The following USP25 variants were observed in gnomAD, a reference collection of about 807,000 sequenced individuals.
USP25 encodes ubiquitin carboxyl-terminal hydrolase 25.
A neutral mutation model predicts 158.5 loss-of-function variants in USP25; 85 were observed. That is an observed-to-expected ratio of 0.54 (90% confidence interval 0.45 to 0.64). USP25 has a LOEUF of 0.64. USP25 is among the 30% of genes least tolerant of loss of function. The probability of loss-of-function intolerance (pLI) is 0.00; values close to 1 mark genes in which losing one functional copy is unlikely to be tolerated. For synonymous variants in USP25, 464 were observed against 460.4 expected, an observed-to-expected ratio of 1.01 and a Z score of -0.10; for missense variants, 1,242 against 1,327.3, an observed-to-expected ratio of 0.94 and a Z score of 1.00.
Position 15,847,792 on chromosome 21 carries a change from C to A in USP25, c.2451+16C>A. On this transcript the variant is annotated intron_variant, in intron 19 of 25. Transcript: ENST00000400183. ...TGATGACGAGGTACCTTTTACAGCC[C>A]TCTGCACCATTGCTACTTAACTTTT... 6.7e-7 allele frequency: 1 copy of A among 1,486,110 alleles called. No homozygotes were observed. Among genetic ancestry groups the A allele is most frequent in the Non-Finnish European group, 9.2e-7 (1 of 1,089,204 alleles). 92.1% of individuals were successfully genotyped at this position (1,486,110 alleles called of 1,614,324 possible).
intron 20 of USP25, among the ~76,000 whole-genome samples, chr21:15,854,517 A>G (rs1013233899): frequency 3.3e-5 from 5 of 151,990 alleles, no homozygotes; most frequent in Non-Finnish European, 1.5e-5. Flanking sequence ...TCTATTTTAC[A>G]TTAGCTTTTT....
At chr21:15,832,826 G>A (rs186724538) in intron 16 of USP25, among the ~76,000 whole-genome samples, 17 of 152,164 alleles carry the variant, frequency 1.1e-4, no homozygotes, top group Admixed American at 5.2e-4. Flanking sequence ...AGACCATCCT[G>A]GCTAACACAG....
intron 20 of USP25, among the ~76,000 whole-genome samples, chr21:15,860,193 C>G (rs936433156): frequency 2.0e-5 from 3 of 151,970 alleles, no homozygotes; most frequent in South Asian, 4.2e-4. Context: ...CACACTGTTT[C>G]CCAGGCTGGA....
At chr21:15,844,840 G>A (rs1005477012) in intron 18 of USP25, among the ~76,000 whole-genome samples, 1 of 152,000 alleles carries the variant, frequency 6.6e-6, no homozygotes, top group Non-Finnish European at 1.5e-5. Context: ...AAAATTTTGT[G>A]TTGCCTTCTT....
At chr21:15,765,377 C>T (rs1023794293) in intron 2 of USP25, among the ~76,000 whole-genome samples, 1 of 152,070 alleles carries the variant, frequency 6.6e-6, no homozygotes, top group African/African-American at 2.4e-5. Context: ...TAATTTTATT[C>T]AGCTATACTT....
intron 1 of USP25, among the ~76,000 whole-genome samples, chr21:15,741,483 A>C (rs944986716): frequency 6.6e-6 from 1 of 152,186 alleles, no homozygotes; most frequent in African/African-American, 2.4e-5. Context: ...CAGGTGGTCT[A>C]CATTTTTGCC....
intron 23 of USP25, among the ~76,000 whole-genome samples, chr21:15,873,914 AT>A (rs144345404): frequency 1.5e-4 from 22 of 149,256 alleles, no homozygotes; most frequent in South Asian, 4.2e-4. Flanking sequence ...TCTTATTTCT[AT>A]TTTTTTTTTA....
At chr21:15,779,818 AATGTAAC>A (rs1166170290) in intron 4 of USP25, among the ~76,000 whole-genome samples, 4 of 152,076 alleles carry the variant, frequency 2.6e-5, no homozygotes, top group African/African-American at 4.8e-5. Flanking sequence ...GATTCGGCAT[AATGTAAC>A]ATGCCATAAA....
rs1181585402 is a variant in USP25 at position 15,766,716 on chromosome 21, A to G, written c.268+575A>G. Among the ~76,000 whole-genome samples the G allele has an allele frequency of 6.6e-6, 1 of 152,054 alleles. No individual in the cohort carries two copies. Among genetic ancestry groups the G allele is most frequent in the Non-Finnish European group, 1.5e-5 (1 of 67,936 alleles). On this transcript the variant is annotated intron_variant, in intron 3 of 25. Transcript: ENST00000400183. This position sits in a 1 kb window ranked among gnomAD's most constrained non-coding sequence, Gnocchi z 4.0. ...ATGTGGGACTTAAGTTTTTCTTCATAATATGAATACTTTATACTTATGTAG... is the reference window on the plus strand; with the variant it reads ...ATGTGGGACTTAAGTTTTTCTTCATGATATGAATACTTTATACTTATGTAG...
chr21:15,740,641 GTTTTTTTTTTTT>G (rs60616271), intron 1 of USP25, among the ~76,000 whole-genome samples: 57 of 41,302 alleles, frequency 1.4e-3, no homozygotes, highest in South Asian at 0.011. Flanking sequence ...CTTTCTGGCT[GTTTTTTTTTTTT>G]TTTTTTTTTT....
intron 1 of USP25, among the ~76,000 whole-genome samples, chr21:15,743,296 G>A (rs73181991): frequency 6.6e-6 from 1 of 152,194 alleles, no homozygotes; most frequent in Non-Finnish European, 1.5e-5. Flanking sequence ...AGCCAGGTGC[G>A]TGTTACAGCC....
chr21:15,873,647 C>T lies in USP25; in HGVS notation c.2886-756C>T, dbSNP rs192505220. Among the ~76,000 whole-genome samples the T allele has an allele frequency of 3.7e-3, 559 of 152,118 alleles. 1 individual carries two copies. Among genetic ancestry groups the T allele is most frequent in the Middle Eastern group, 0.02 (6 of 294 alleles). On this transcript the variant is annotated intron_variant, in intron 23 of 25. Coordinates refer to ENST00000400183, the MANE Select transcript of USP25 (RefSeq NM_001283041.3). The stretch of plus-strand genomic sequence containing the variant: ...TAGCTGGGACTACAGGCATGTGTCA[C>T]CATGCCCGGCTAATCTTGTATTTTT...
intron 20 of USP25, among the ~76,000 whole-genome samples, chr21:15,858,970 A>C (rs945773711): frequency 5.3e-5 from 8 of 151,778 alleles, no homozygotes; most frequent in African/African-American, 1.7e-4. Context: ...TATGTTTAAA[A>C]AAATTATTGT....
At chr21:15,818,951 G>GAC in intron 10 of USP25, 105 bp downstream of exon 10, 1 of 1,315,524 alleles carries the variant, frequency 7.6e-7, no homozygotes, top group Non-Finnish European at 1.0e-6. Context: ...AATTGAGAGA[G>GAC]AATACTCAGA....
intron 23 of USP25, among the ~76,000 whole-genome samples, chr21:15,870,361 G>A (rs764993527): frequency 7.2e-5 from 11 of 152,038 alleles, no homozygotes; most frequent in African/African-American, 1.9e-4. Flanking sequence ...TTAAAACTCC[G>A]TAAGGTTGGC....
chr21:15,811,278 GTTACTA>G, intron 9 of USP25, 68 bp downstream of exon 9: 1 of 1,410,504 alleles, frequency 7.1e-7, no homozygotes, highest in Non-Finnish European at 9.8e-7. Flanking sequence ...CGTCTCGATA[GTTACTA>G]TTTTTTTAGT....
chr21:15,870,151 A>G lies in USP25; in HGVS notation c.2885+4A>G, dbSNP rs540618301. ...TAGAAAATTTTCAAAGAGAAAGGTA[A>G]GGCAAAGTGGACAAATATGAAAAGA... is the stretch of plus-strand genomic sequence containing the variant. On this transcript the variant is annotated splice_donor_region_variant and intron_variant, in intron 23 of 25. Coordinates refer to ENST00000400183, the MANE Select transcript of USP25 (RefSeq NM_001283041.3). The G allele has an allele frequency of 6.2e-7, 1 of 1,600,782 alleles. No individual in the cohort carries two copies. The highest frequency in any genetic ancestry group is 1.3e-5 in the African/African-American group (1 of 74,372).
At chr21:15,801,676 C>T (rs767366529) in intron 6 of USP25, among the ~76,000 whole-genome samples, 3 of 151,466 alleles carry the variant, frequency 2.0e-5, no homozygotes, top group East Asian at 1.9e-4. Context: ...ATGAATTTAC[C>T]GCCAACTCGT....
chr21:15,832,324 C>G (rs2037843182), intron 16 of USP25, among the ~76,000 whole-genome samples: 1 of 152,098 alleles, frequency 6.6e-6, no homozygotes, highest in Non-Finnish European at 1.5e-5. Flanking sequence ...CTTTTTAATG[C>G]TGATATTCTG....
Sources: gnomAD v4.1 joint callset for allele counts (sites outside exome capture counted in the v4.1 genomes callset) on GRCh38, gnomAD v4.1.1 for gene constraint, Gnocchi (gnomAD v3.1) non-coding constraint, MANE v1.5 for transcripts, NCBI Gene and HGNC (gene_info 2026-07-23, HGNC 2026-07-21) for gene names.